The following CACNA2D1 variants were observed in gnomAD, a reference collection of about 807,000 sequenced individuals.
CACNA2D1 encodes voltage-dependent calcium channel subunit alpha-2/delta-1.
Under a neutral mutation model 171.5 loss-of-function variants are expected in CACNA2D1, and 53 were observed. The ratio of observed to expected loss-of-function variants is 0.31; its 90% CI spans 0.25 to 0.39. The LOEUF (loss-of-function observed/expected upper bound fraction) is 0.39. Ranked by LOEUF, CACNA2D1 falls within the 10% of genes least tolerant of loss-of-function variation. The probability of loss-of-function intolerance (pLI) is 1.00; values close to 1 mark genes in which losing one functional copy is unlikely to be tolerated. For missense variants in CACNA2D1, 903 were observed against 1,299.8 expected (o/e 0.69, Z 4.69); for synonymous variants, 442 against 443.1 (o/e 1.00, Z 0.03).
intron 10 of CACNA2D1, among the ~76,000 whole-genome samples, chr7:82,049,811 C>T (rs887503621): frequency 6.6e-6 from 1 of 152,180 alleles, no homozygotes; most frequent in African/African-American, 2.4e-5. Flanking sequence ...AATAGATCAA[C>T]ATAAAGTTTT....
intron 3 of CACNA2D1, among the ~76,000 whole-genome samples, chr7:82,328,947 T>C (rs1008939944): frequency 3.9e-5 from 6 of 152,170 alleles, no homozygotes; most frequent in African/African-American, 1.2e-4. Flanking sequence ...CTCTAAAGAA[T>C]TTCAGAATTC....
Position 82,101,537 on chromosome 7 carries a change from A to T in CACNA2D1, c.526+15507T>A, listed in dbSNP as rs180778358. 1.5e-3 allele frequency among the ~76,000 whole-genome samples: 229 copies of T among 152,324 alleles called. 3 individuals carry two copies. The highest frequency in any genetic ancestry group is 0.015 in the East Asian group (76 of 5,194). ...TACTTTATTGATAAATTGAAAATCAACAAGGCACATAATAGTCATACTTAG... is the reference window on the plus strand; with the variant it reads ...TACTTTATTGATAAATTGAAAATCATCAAGGCACATAATAGTCATACTTAG... On this transcript the variant is annotated intron_variant, in intron 6 of 38. Coordinates refer to ENST00000356860, the MANE Select transcript of CACNA2D1 (RefSeq NM_000722.4).
chr7:82,056,900 A>G (rs924116917), intron 10 of CACNA2D1, among the ~76,000 whole-genome samples: 2 of 151,992 alleles, frequency 1.3e-5, no homozygotes, highest in Non-Finnish European at 2.9e-5. Context: ...AACACATGTT[A>G]TAGTACAGGG....
At chr7:82,369,905 A>C (rs2129448101) in intron 1 of CACNA2D1, among the ~76,000 whole-genome samples, 1 of 152,218 alleles carries the variant, frequency 6.6e-6, no homozygotes, top group African/African-American at 2.4e-5. Context: ...ATATTTTATT[A>C]TTTTCAACTT....
At chr7:81,964,953 T>C (rs1355608282) in intron 32 of CACNA2D1, among the ~76,000 whole-genome samples, 1 of 151,732 alleles carries the variant, frequency 6.6e-6, no homozygotes, top group Admixed American at 6.6e-5. Context: ...CCCTGGGGAA[T>C]GGAAAAGTGG....
chr7:82,213,789 C>T (rs548170590), intron 3 of CACNA2D1, among the ~76,000 whole-genome samples: 1 of 152,056 alleles, frequency 6.6e-6, no homozygotes, highest in Non-Finnish European at 1.5e-5. Flanking sequence ...TTTTTTTAGC[C>T]TCAAAATATC....
At position 82,214,891 on chromosome 7, in the gene CACNA2D1, T is replaced by C. The variant is rs373163951; in HGVS notation, c.295-44282A>G. ...TTCATCATTTCAGCTTTATCAACAGTCTCTTCCTTTTGGTGAGACATTAAC... is the reference window on the plus strand; with the variant it reads ...TTCATCATTTCAGCTTTATCAACAGCCTCTTCCTTTTGGTGAGACATTAAC... On this transcript the variant is annotated intron_variant, in intron 3 of 38. Transcript: ENST00000356860. 2.0e-4 allele frequency among the ~76,000 whole-genome samples: 30 copies of C among 152,316 alleles called. 1 individual carries two copies. In the East Asian group the frequency reaches 5.6e-3, roughly 28 times the overall value.
intron 3 of CACNA2D1, among the ~76,000 whole-genome samples, chr7:82,295,565 A>C (rs1039520083): frequency 2.6e-5 from 4 of 151,484 alleles, no homozygotes; most frequent in Non-Finnish European, 4.4e-5. Context: ...CATGTTGCCT[A>C]GGCTAGTCTC....
At chr7:82,237,553 T>C (rs1368899383) in intron 3 of CACNA2D1, among the ~76,000 whole-genome samples, 2 of 152,144 alleles carry the variant, frequency 1.3e-5, no homozygotes, top group African/African-American at 2.4e-5. Flanking sequence ...AATCAAATTA[T>C]GGGCAATTTA....
Position 81,971,786 on chromosome 7 carries a change from T to G in CACNA2D1, c.2132A>C (p.Gln711Pro), listed in dbSNP as rs1014252757. Residue 711 changes from glutamine (Q) to proline (P), a missense_variant, in exon 26 of 39, where the codon CAG becomes CCG. Transcript: ENST00000356860. The part of the protein sequence containing the change: ...NELVQNYWSK[Q>P]KNIKGVKARF... Reference sequence around the variant, plus strand: ...AAGAACAAATACTTACATATTTTTCTGCTTACTCCAGTAATTTTGGACAAG... The same window carrying G: ...AAGAACAAATACTTACATATTTTTCGGCTTACTCCAGTAATTTTGGACAAG... The G allele has an allele frequency of 6.4e-7, 1 of 1,572,856 alleles. No homozygotes were observed. Among genetic ancestry groups the G allele is most frequent in the Non-Finnish European group, 8.7e-7 (1 of 1,143,454 alleles).
intron 1 of CACNA2D1, among the ~76,000 whole-genome samples, chr7:82,359,665 AT>A (rs10706692): frequency 0.4 from 61,249 of 151,800 alleles, 12,993 homozygotes; most frequent in East Asian, 0.58. Context: ...AACTATCATA[AT>A]TTTTTCTTTT....
chr7:82,392,080 T>C (rs886866288), intron 1 of CACNA2D1, among the ~76,000 whole-genome samples: 2 of 152,136 alleles, frequency 1.3e-5, no homozygotes, highest in Non-Finnish European at 2.9e-5. Context: ...GTTAAATCCA[T>C]GGACTGGATT....
rs370516065 is a variant in CACNA2D1 at position 82,111,445 on chromosome 7, T to TATATATATATATA, written c.526+5598_526+5599insTATATATATATAT. Among the ~76,000 whole-genome samples the TATATATATATATA allele has an allele frequency of 8.4e-4, 41 of 49,088 alleles. 1 individual carries two copies. The highest frequency in any genetic ancestry group is 3.0e-3 in the African/African-American group (41 of 13,444). 32.2% of individuals were successfully genotyped at this position (49,088 alleles called of 152,430 possible). ...ATATGTGTGTATATATATATATATA[T>TATATATATATATA]TTTTTTTTTTTTTTTTTTTTGAGAC... On this transcript the variant is annotated intron_variant, in intron 6 of 38. Transcript: ENST00000356860.
intron 1 of CACNA2D1, among the ~76,000 whole-genome samples, chr7:82,403,148 C>T (rs73386007): frequency 0.049 from 7,407 of 151,998 alleles, 201 homozygotes; most frequent in Middle Eastern, 0.065. Flanking sequence ...GGGGAGAAGA[C>T]TGGGAGAAGA....
intron 20 of CACNA2D1, among the ~76,000 whole-genome samples, chr7:81,992,430 G>A (rs1041476752): frequency 6.6e-6 from 1 of 152,120 alleles, no homozygotes. Flanking sequence ...TTGTGTGTGA[G>A]CATGTGTGGG....
chr7:81,949,944 A>ATTAAC lies in CACNA2D1; in HGVS notation c.*443_*447dup, dbSNP rs1321935485. ...TCAATAATTGCTACTTAAAGCAGGA[A>ATTAAC]TTAACTTTTCACAGAAGAAAAAGTG... On this transcript the variant is annotated 3_prime_UTR_variant, in exon 39 of 39. Transcript: ENST00000356860. 6.1e-6 allele frequency: 1 copy of ATTAAC among 163,042 alleles called. No individual in the cohort carries two copies. The highest frequency in any genetic ancestry group is 1.3e-5 in the Non-Finnish European group (1 of 74,538). The allele number at this position is 163,042 out of a possible 1,614,324, so 10.1% of individuals were successfully genotyped here.
chr7:82,169,654 T>C (rs747448743), intron 4 of CACNA2D1, among the ~76,000 whole-genome samples: 2 of 152,136 alleles, frequency 1.3e-5, no homozygotes, highest in South Asian at 2.1e-4. Context: ...TTTGAGACTT[T>C]TGCTTTGCAA....
intron 15 of CACNA2D1, among the ~76,000 whole-genome samples, chr7:82,010,148 T>G (rs540836530): frequency 6.6e-6 from 1 of 152,270 alleles, no homozygotes; most frequent in Non-Finnish European, 1.5e-5. Context: ...GGCTTCATTT[T>G]GAAGTCAGAA....
At chr7:82,060,211 A>AATAC (rs71093358) in intron 10 of CACNA2D1, among the ~76,000 whole-genome samples, 1 of 31,336 alleles carries the variant, frequency 3.2e-5, no homozygotes, top group Non-Finnish European at 5.8e-5. Context: ...TTATATATAT[A>AATAC]ATATATATAT....
Sources: allele counts gnomAD v4.1 joint callset (sites outside exome capture counted in the v4.1 genomes callset), GRCh38; gene constraint gnomAD v4.1.1; transcripts MANE v1.5; gene names NCBI Gene and HGNC (gene_info 2026-07-23, HGNC 2026-07-21).